Variants in KCNJ10 observed in about 807,000 individuals in gnomAD.
KCNJ10 encodes ATP-sensitive inward rectifier potassium channel 10.
In KCNJ10, 9 loss-of-function variants were observed where a neutral mutation model predicts 22.2. The observed-to-expected ratio is 0.40, with a 90% CI of 0.24 to 0.71. KCNJ10 has a LOEUF of 0.71. Ranked by LOEUF, KCNJ10 falls within the 30% of genes least tolerant of loss-of-function variation. KCNJ10 has a pLI of 0.35. For synonymous variants in KCNJ10, 184 were observed against 187.3 expected, an observed-to-expected ratio of 0.98 and a Z score of 0.15; for missense variants, 337 against 482.7, an observed-to-expected ratio of 0.70 and a Z score of 2.83.
At position 160,061,117 on chromosome 1, in the gene KCNJ10, C is replaced by CA. The variant is rs535255451; in HGVS notation, c.-1+8904dup. 4.0e-4 allele frequency among the ~76,000 whole-genome samples: 61 copies of CA among 151,942 alleles called. No homozygotes were observed. In the East Asian group the frequency reaches 0.011, roughly 28 times the overall value. On this transcript the variant is annotated intron_variant, in intron 1 of 1. Coordinates refer to ENST00000644903, the MANE Select transcript of KCNJ10 (RefSeq NM_002241.5). ...CCCTCACCATGCCCCCACTCCTTCC[C>CA]AAAAAAAGGTGGCTAAAAGACAGCT...
rs898999212 is a variant in KCNJ10, at chr1:160,042,416, C to A, written c.117G>T (p.Val39=). 6.8e-6 allele frequency: 11 copies of A among 1,614,132 alleles called. No individual in the cohort carries two copies. Among genetic ancestry groups the A allele is most frequent in the Non-Finnish European group, 8.5e-6 (10 of 1,180,058 alleles). The change falls in exon 2 of 2, where the codon GTG becomes GTT. Residue 39 remains valine, a synonymous_variant. Coordinates refer to ENST00000644903, the MANE Select transcript of KCNJ10 (RefSeq NM_002241.5). ...RVLTKDGRSN[V]RMEHIADKRF... is the part of the protein sequence containing the mutation. Reference sequence around the variant, plus strand: ...GCTTGTCGGCAATGTGCTCCATTCTCACGTTGCTGCGACCATCTTTTGTCA... The same window carrying A: ...GCTTGTCGGCAATGTGCTCCATTCTAACGTTGCTGCGACCATCTTTTGTCA...
At chr1:160,047,937 C>T (rs1322955254) in intron 1 of KCNJ10, among the ~76,000 whole-genome samples, 6 of 152,224 alleles carry the variant, frequency 3.9e-5, no homozygotes, top group Admixed American at 1.3e-4. Context: ...GACGGGGTTT[C>T]ACCCTGTTGC....
chr1:160,061,317 T>C (rs1649187465), intron 1 of KCNJ10, among the ~76,000 whole-genome samples: 1 of 152,078 alleles, frequency 6.6e-6, no homozygotes, highest in Non-Finnish European at 1.5e-5. Flanking sequence ...GCTGGGAAAA[T>C]GATAACTGTT....
At chr1:160,056,894 C>T (rs998926559) in intron 1 of KCNJ10, among the ~76,000 whole-genome samples, 1 of 152,136 alleles carries the variant, frequency 6.6e-6, no homozygotes, top group African/African-American at 2.4e-5. Context: ...GAATCATCCT[C>T]AATATGGTGA....
In KCNJ10 at chr1:160,042,209, A is replaced by G; in HGVS notation, c.324T>C (p.Cys108=). The change falls in exon 2 of 2, where the codon TGT becomes TGC. Residue 108 remains cysteine, a synonymous_variant. Transcript: ENST00000644903. ...CAGTGAGTGTGTGCACCTGTACCAC[A>G]CAGGGGGTGTGGTTGGCCGGGGGGT... is the stretch of plus-strand genomic sequence containing the variant. ...ELDPPANHTP[C]VVQVHTLTGA... is the part of the protein sequence containing the mutation. 6.2e-7 allele frequency: 1 copy of G among 1,613,524 alleles called. No individual in the cohort carries two copies. The highest frequency in any genetic ancestry group is 1.1e-5 in the South Asian group (1 of 91,004).
chr1:160,062,853 G>T (rs1327029922), intron 1 of KCNJ10, among the ~76,000 whole-genome samples: 1 of 152,078 alleles, frequency 6.6e-6, no homozygotes, highest in Non-Finnish European at 1.5e-5. Context: ...GGTCTTTGGG[G>T]TTCTACTTCC....
chr1:160,044,899 A>T, intron 1 of KCNJ10: 1 of 151,998 alleles, frequency 6.6e-6, no homozygotes, highest in East Asian at 1.9e-4. Flanking sequence ...CTGTACTCCC[A>T]GCTACTTGGA....
chr1:160,041,287 G>C lies in KCNJ10; in HGVS notation c.*106C>G, dbSNP rs1332376547. ...ACTGGGTTAAAGAAGAGGGAGTGGAGGATGGGTGCTTCGGGGGATCTCCAG... is the reference window on the plus strand; with the variant it reads ...ACTGGGTTAAAGAAGAGGGAGTGGACGATGGGTGCTTCGGGGGATCTCCAG... On this transcript the variant is annotated 3_prime_UTR_variant, in exon 2 of 2. Coordinates refer to ENST00000644903, the MANE Select transcript of KCNJ10 (RefSeq NM_002241.5). The surrounding 1 kb of genome is among the most constrained non-coding windows in gnomAD (Gnocchi z 4.4). 4.3e-6 allele frequency: 5 copies of C among 1,155,654 alleles called. No individual in the cohort carries two copies. The African/African-American group carries it at 7.6e-5, about 18-fold the overall frequency. The allele number at this position is 1,155,654 out of a possible 1,614,324, so 71.6% of individuals were successfully genotyped here. A position where few individuals can be genotyped will look rare whatever the true frequency, so the allele number is the denominator to read the frequency against.
At chr1:160,052,591 A>G (rs1310942304) in intron 1 of KCNJ10, among the ~76,000 whole-genome samples, 2 of 152,206 alleles carry the variant, frequency 1.3e-5, no homozygotes, top group African/African-American at 4.8e-5. Flanking sequence ...GTCCATGCCC[A>G]GTATTCTGAA....
intron 1 of KCNJ10, among the ~76,000 whole-genome samples, chr1:160,056,328 T>G (rs1189084308): frequency 6.6e-6 from 1 of 152,212 alleles, no homozygotes; most frequent in African/African-American, 2.4e-5. Context: ...GCAAAATCCT[T>G]CAATGTCTGA....
At chr1:160,057,229 A>G (rs1204867290) in intron 1 of KCNJ10, among the ~76,000 whole-genome samples, 1 of 152,232 alleles carries the variant, frequency 6.6e-6, no homozygotes, top group Non-Finnish European at 1.5e-5. Context: ...TTACTGAATC[A>G]GAGAAACTAA....
chr1:160,060,783 G>A (rs144179018), intron 1 of KCNJ10, among the ~76,000 whole-genome samples: 115 of 152,234 alleles, frequency 7.6e-4, no homozygotes, highest in African/African-American at 2.4e-3. Flanking sequence ...CAGGTGAGCC[G>A]TAGATACAGC....
At chr1:160,067,034 T>C (rs1649336036) in intron 1 of KCNJ10, among the ~76,000 whole-genome samples, 1 of 152,346 alleles carries the variant, frequency 6.6e-6, no homozygotes, top group South Asian at 2.1e-4. Context: ...AATGGCCATG[T>C]ATACCCTTTC....
chr1:160,040,623 T>A lies in KCNJ10; in HGVS notation c.*770A>T. 2.5e-6 allele frequency: 1 copy of A among 398,792 alleles called. No individual in the cohort carries two copies. The highest frequency in any genetic ancestry group is 4.4e-6 in the Non-Finnish European group (1 of 226,242). The allele number at this position is 398,792 out of a possible 1,614,324, so 24.7% of individuals were successfully genotyped here. ...CTGCCTGGAAGATAGGTTTAAAGGT[T>A]TAGATAACAACTTGTGTTAGTCACT... On this transcript the variant is annotated 3_prime_UTR_variant, in exon 2 of 2. Transcript: ENST00000644903.
chr1:160,041,178 G>T lies in KCNJ10; in HGVS notation c.*215C>A. 1 of 609,292 alleles carries T rather than the reference G, an allele frequency of 1.6e-6. No individual in the cohort carries two copies. Among genetic ancestry groups the T allele is most frequent in the South Asian group, 1.9e-5 (1 of 53,436 alleles). The allele number at this position is 609,292 out of a possible 1,614,324, so 37.7% of individuals were successfully genotyped here. A position where few individuals can be genotyped will look rare whatever the true frequency, so the allele number is the denominator to read the frequency against. On this transcript the variant is annotated 3_prime_UTR_variant, in exon 2 of 2. Coordinates refer to ENST00000644903, the MANE Select transcript of KCNJ10 (RefSeq NM_002241.5). The surrounding 1 kb of genome is among the most constrained non-coding windows in gnomAD (Gnocchi z 4.4). Reference sequence around the variant, plus strand: ...CCATCCTGGCTTAAGGGAGGTATGTGTATTGGGGCAGAAGCTGGGGAAGTG... The same window carrying T: ...CCATCCTGGCTTAAGGGAGGTATGTTTATTGGGGCAGAAGCTGGGGAAGTG...
chr1:160,043,010 A>G (rs1648648864), intron 1 of KCNJ10, among the ~76,000 whole-genome samples: 1 of 152,176 alleles, frequency 6.6e-6, no homozygotes. Context: ...CTCACAGCCT[A>G]GTGAGAAAGA....
intron 1 of KCNJ10, among the ~76,000 whole-genome samples, chr1:160,058,922 G>A (rs1046559644): frequency 2.0e-5 from 3 of 152,136 alleles, no homozygotes; most frequent in Non-Finnish European, 4.4e-5. Context: ...CAGCTTAGAT[G>A]TCACTTTCTC....
chr1:160,054,767 CT>C (rs11313888), intron 1 of KCNJ10, among the ~76,000 whole-genome samples: 140,812 of 152,184 alleles, frequency 0.93, 65,656 homozygotes, highest in East Asian at 1. Flanking sequence ...TCTCCAAAGA[CT>C]GCTGGTTGAG....
At chr1:160,049,690 T>C (rs1331126925) in intron 1 of KCNJ10, among the ~76,000 whole-genome samples, 1 of 112,744 alleles carries the variant, frequency 8.9e-6, no homozygotes, top group Non-Finnish European at 1.8e-5. Flanking sequence ...TATATATATA[T>C]ATATATATAT....
Sources: allele counts gnomAD v4.1 joint callset (sites outside exome capture counted in the v4.1 genomes callset), GRCh38; gene constraint gnomAD v4.1.1; non-coding constraint Gnocchi (gnomAD v3.1); transcripts MANE v1.5; gene names NCBI Gene and HGNC (gene_info 2026-07-23, HGNC 2026-07-21).